The following MYO1F variants were observed in gnomAD, a reference collection of about 807,000 sequenced individuals.
MYO1F encodes myosin IF, also known as unconventional myosin-If.
Under a neutral mutation model 146.6 loss-of-function variants are expected in MYO1F, and 60 were observed. The ratio of observed to expected loss-of-function variants is 0.41; its 90% CI spans 0.33 to 0.51. The LOEUF (loss-of-function observed/expected upper bound fraction) is 0.51, where lower values mean the gene tolerates loss of function less well. Among genes scored for constraint, MYO1F ranks in the 20% least tolerant of loss-of-function variants. The probability of loss-of-function intolerance (pLI) is 0.25; values close to 1 mark genes in which losing one functional copy is unlikely to be tolerated. For missense variants in MYO1F, 1,274 were observed against 1,534.3 expected, an observed-to-expected ratio of 0.83 and a Z score of 2.83; for synonymous variants, 602 against 602.1, an observed-to-expected ratio of 1.00 and a Z score of 0.00.
At chr19:8,546,346 G>A (rs982384445) in intron 12 of MYO1F, among the ~76,000 whole-genome samples, 1 of 150,300 alleles carries the variant, frequency 6.7e-6, no homozygotes, top group African/African-American at 2.5e-5. Flanking sequence ...TTACAGGCAT[G>A]AGCCACCGCA....
Position 8,553,056 on chromosome 19 carries a change from C to G in MYO1F, c.504+83G>C, listed in dbSNP as rs1275770691. 4.7e-6 allele frequency: 6 copies of G among 1,288,866 alleles called. No homozygotes were observed. In the East Asian group the frequency reaches 1.4e-4, roughly 30 times the overall value. The allele number at this position is 1,288,866 out of a possible 1,614,324, so 79.8% of individuals were successfully genotyped here. ...TCAATGGACTCTTGTCTTGGCAATA[C>G]GGGTGTGTGTATGTGTGGGTGTGTG... On this transcript the variant is annotated intron_variant, in intron 6 of 27. Coordinates refer to ENST00000644032, the MANE Select transcript of MYO1F (RefSeq NM_012335.4).
chr19:8,551,955 C>A (rs759723099), intron 7 of MYO1F, 78 bp downstream of exon 7: 7 of 1,613,888 alleles, frequency 4.3e-6, no homozygotes, highest in Non-Finnish European at 5.1e-6. Flanking sequence ...GCCATGCCCC[C>A]CTAGGTGTTT....
intron 14 of MYO1F, 37 bp from the exon 15 acceptor site, chr19:8,542,028 G>C: frequency 1.3e-6 from 2 of 1,499,264 alleles, no homozygotes; most frequent in Non-Finnish European, 9.2e-7. Context: ...GAGGGACTGA[G>C]AAACCTGGCT....
intron 21 of MYO1F, chr19:8,529,659 C>T (rs1209713586): frequency 3.0e-5 from 7 of 233,530 alleles, no homozygotes; most frequent in Non-Finnish European, 5.2e-5. Flanking sequence ...GCAAGGGTGG[C>T]CTCGTGGTTG....
chr19:8,544,000 T>C (rs76741544), intron 14 of MYO1F: 6,794 of 154,412 alleles, frequency 0.044, 284 homozygotes, highest in African/African-American at 0.16. Flanking sequence ...GTGGTGCTGG[T>C]GGTGGCGGTG....
chr19:8,560,576 G>T (rs568601174), intron 1 of MYO1F, among the ~76,000 whole-genome samples: 2 of 151,532 alleles, frequency 1.3e-5, no homozygotes, highest in Non-Finnish European at 2.9e-5. Context: ...TTTTTGTTTT[G>T]TTTTGGTTTG....
chr19:8,544,474 G>C lies in MYO1F; in HGVS notation c.1357-10C>G, dbSNP rs369961523. 23 of 1,605,128 alleles carry C rather than the reference G, an allele frequency of 1.4e-5. No homozygotes were observed. The East Asian group carries it at 2.0e-4, about 14-fold the overall frequency. ...TGATGCCTGGGGGGCTCTGCGGGGC[G>C]AGCGGGAGCCAGCAGCGGCTCAGTT... On this transcript the variant is annotated splice_polypyrimidine_tract_variant and intron_variant, in intron 13 of 27. Transcript: ENST00000644032.
chr19:8,577,313 G>C lies in MYO1F; in HGVS notation c.-4C>G, dbSNP rs199655160. The C allele has an allele frequency of 1.9e-6, 3 of 1,613,594 alleles. No homozygotes were observed. Among genetic ancestry groups the C allele is most frequent in the South Asian group, 1.1e-5 (1 of 90,994 alleles). ...CCACCCTTGAAGGACTTACCATGGT[G>C]GGGGGCTGGTGTCTGGGCTCCTGGA... On this transcript the variant is annotated 5_prime_UTR_variant, in exon 1 of 28. Transcript: ENST00000644032. The surrounding 1 kb of genome is among the most constrained non-coding windows in gnomAD (Gnocchi z 4.3).
rs2042252551 is a variant in MYO1F at position 8,577,155 on chromosome 19, C to T, written c.3+152G>A. On this transcript the variant is annotated intron_variant, in intron 1 of 27. Coordinates refer to ENST00000644032, the MANE Select transcript of MYO1F (RefSeq NM_012335.4). This position sits in a 1 kb window ranked among gnomAD's most constrained non-coding sequence, Gnocchi z 4.3. ...GCTCCCTGGTAAGGGATGCTGGAGG[C>T]ACCTGAGCTGCACTGAGAGACACCC... is the stretch of plus-strand genomic sequence containing the variant. 1 of 884,280 alleles carries T rather than the reference C, an allele frequency of 1.1e-6. No homozygotes were observed. Among genetic ancestry groups the T allele is most frequent in the Non-Finnish European group, 1.8e-6 (1 of 545,900 alleles). The allele number at this position is 884,280 out of a possible 1,614,324, so 54.8% of individuals were successfully genotyped here. A position where few individuals can be genotyped will look rare whatever the true frequency, so the allele number is the denominator to read the frequency against.
intron 1 of MYO1F, among the ~76,000 whole-genome samples, chr19:8,556,097 C>G (rs1318171984): frequency 6.6e-6 from 1 of 151,588 alleles, no homozygotes; most frequent in Non-Finnish European, 1.5e-5. Context: ...GGCGTGATCT[C>G]TGCTCACTGC....
intron 12 of MYO1F, 66 bp from the exon 13 acceptor site, chr19:8,545,802 T>C: frequency 9.2e-7 from 1 of 1,086,400 alleles, no homozygotes; most frequent in East Asian, 2.4e-5. Context: ...TCCCCCCATG[T>C]CCTCTCCCCT....
Position 8,552,081 on chromosome 19 carries a change from G to A in MYO1F, c.588C>T (p.Arg196=), listed in dbSNP as rs943869639. 4.3e-6 allele frequency: 7 copies of A among 1,613,966 alleles called. No individual in the cohort carries two copies. Among genetic ancestry groups the A allele is most frequent in the Admixed American group, 1.7e-5 (1 of 59,976 alleles). ...KISNFLLEKS[R]VVMQNENERN... is the part of the protein sequence containing the mutation. ...TCTCATTTTCATTTTGCATGACCACGCGGGACTTCTCCAGCAAGAAGTTGG... is the reference window on the plus strand; with the variant it reads ...TCTCATTTTCATTTTGCATGACCACACGGGACTTCTCCAGCAAGAAGTTGG... Residue 196 remains arginine (R), a synonymous_variant, in exon 7 of 28, where the codon CGC becomes CGT. Coordinates refer to ENST00000644032, the MANE Select transcript of MYO1F (RefSeq NM_012335.4).
At position 8,536,378 on chromosome 19, in the gene MYO1F, G is replaced by A. The variant is rs771930639; in HGVS notation, c.1917C>T (p.Pro639=). Residue 639 remains proline, a synonymous_variant, in exon 19 of 28, where the codon CCC becomes CCT. Transcript: ENST00000644032. ...KFLQRYAILT[P]ETWPRWRGDE... ...CCCCACGCCACCGCGGCCACGTCTC[G>A]GGGGTCAGAATGGCATACCTGAGGG... The A allele has an allele frequency of 1.3e-5, 21 of 1,605,996 alleles. No individual in the cohort carries two copies. In the Admixed American group the frequency reaches 1.8e-4, roughly 14 times the overall value.
intron 1 of MYO1F, among the ~76,000 whole-genome samples, chr19:8,573,389 ACTCT>A (rs2042146952): frequency 6.6e-6 from 1 of 151,872 alleles, no homozygotes; most frequent in African/African-American, 2.4e-5. Context: ...GAACGTCTTC[ACTCT>A]CTCTCCTACC....
At chr19:8,574,587 CTCTCTCTCTCTTTCTT>C (rs1263886338) in intron 1 of MYO1F, among the ~76,000 whole-genome samples, 14 of 81,542 alleles carry the variant, frequency 1.7e-4, no homozygotes, top group African/African-American at 8.0e-4. Flanking sequence ...TTCTCTCTCT[CTCTCTCTCTCTTTCTT>C]TCTTTCTTTC....
At chr19:8,571,013 C>A (rs1445271290) in intron 1 of MYO1F, among the ~76,000 whole-genome samples, 1 of 152,210 alleles carries the variant, frequency 6.6e-6, no homozygotes, top group Non-Finnish European at 1.5e-5. Context: ...TCACTGTCCC[C>A]ATCAATGGTG....
chr19:8,562,371 G>A lies in MYO1F; in HGVS notation c.4-6575C>T, dbSNP rs780036316. Among the ~76,000 whole-genome samples, 16 of 151,864 alleles carry A rather than the reference G, an allele frequency of 1.1e-4. No individual in the cohort carries two copies. In the South Asian group the frequency reaches 2.1e-3, roughly 20 times the overall value. ...CACCTAGGCTGGAGTGCACTGGTGC[G>A]ATCATACCTCACTGCGGCCTCGAAC... On this transcript the variant is annotated intron_variant, in intron 1 of 27. Coordinates refer to ENST00000644032, the MANE Select transcript of MYO1F (RefSeq NM_012335.4).
chr19:8,552,495 G>T (rs1973656528), intron 6 of MYO1F, among the ~76,000 whole-genome samples: 1 of 152,016 alleles, frequency 6.6e-6, no homozygotes, highest in South Asian at 2.1e-4. Flanking sequence ...TTGAACTCCA[G>T]ACCTCAAGTG....
rs1278191382 is a variant in MYO1F, at chr19:8,574,691, C to A, written c.3+2616G>T. The stretch of plus-strand genomic sequence containing the variant: ...TCTCTCTTTCTTTCTTTCTTCCTTT[C>A]TCTTTCTCTCTTTCTTTCTTTTTCT... On this transcript the variant is annotated intron_variant, in intron 1 of 27. Transcript: ENST00000644032. Among the ~76,000 whole-genome samples the A allele has an allele frequency of 5.5e-5, 6 of 108,148 alleles. No homozygotes were observed. In the East Asian group the frequency reaches 2.7e-3, roughly 50 times the overall value. The allele number at this position is 108,148 out of a possible 152,430, so 70.9% of individuals were successfully genotyped here.
Sources: allele counts gnomAD v4.1 joint callset (sites outside exome capture counted in the v4.1 genomes callset), GRCh38; gene constraint gnomAD v4.1.1; non-coding constraint Gnocchi (gnomAD v3.1); transcripts MANE v1.5; gene names NCBI Gene and HGNC (gene_info 2026-07-23, HGNC 2026-07-21).